The following PKD1L3 variants were observed in gnomAD, a reference collection of about 807,000 sequenced individuals.
PKD1L3 encodes polycystin 1 like 3, transient receptor potential channel interacting.
In PKD1L3, 239 loss-of-function variants were observed where a neutral mutation model predicts 184.1. The observed-to-expected ratio is 1.30, with a 90% CI of 1.17 to 1.45. PKD1L3 has a LOEUF of 1.45. Among genes scored for constraint, PKD1L3 ranks in the 40% most tolerant of loss-of-function variants. The pLI is 0.00. For synonymous variants in PKD1L3, 996 were observed against 778.8 expected (o/e 1.28, Z -4.64); for missense variants, 2,660 against 2,067.2 (o/e 1.29, Z -5.56).
At chr16:71,932,494 G>C (rs1225559229) in intron 28 of PKD1L3, among the ~76,000 whole-genome samples, 3 of 139,932 alleles carry the variant, frequency 2.1e-5, no homozygotes, top group Non-Finnish European at 4.7e-5. Context: ...TTTTTTTTTT[G>C]AGACAGTTTC....
At chr16:71,961,716 A>G (rs189070748) in intron 16 of PKD1L3, among the ~76,000 whole-genome samples, 1 of 152,306 alleles carries the variant, frequency 6.6e-6, no homozygotes, top group Admixed American at 6.5e-5. Context: ...TCCCAAGGGA[A>G]AACTCCCCAG....
chr16:71,948,155 CA>C lies in PKD1L3; in HGVS notation c.3619-565del, dbSNP rs369455325. On this transcript the variant is annotated intron_variant, in intron 21 of 29. Transcript: ENST00000620267. Reference sequence around the variant, plus strand: ...GGAGTACAACGGCACGATCTTGGCTCAGTGCAACCTCTGCCTCCCGGGTTCA... The same window carrying C: ...GGAGTACAACGGCACGATCTTGGCTCGTGCAACCTCTGCCTCCCGGGTTCA... Among the ~76,000 whole-genome samples, 114 of 152,254 alleles carry C rather than the reference CA, an allele frequency of 7.5e-4. 1 individual carries two copies. Among genetic ancestry groups the C allele is most frequent in the African/African-American group, 2.6e-3 (106 of 41,548 alleles).
intron 21 of PKD1L3, among the ~76,000 whole-genome samples, chr16:71,947,903 T>C (rs1368233487): frequency 6.8e-6 from 1 of 147,040 alleles, no homozygotes; most frequent in Non-Finnish European, 1.5e-5. Flanking sequence ...GGAAAACCTC[T>C]GATAAAGATC....
chr16:71,955,483 A>G (rs957725929), intron 16 of PKD1L3, among the ~76,000 whole-genome samples: 10 of 152,056 alleles, frequency 6.6e-5, no homozygotes, highest in Non-Finnish European at 1.0e-4. Flanking sequence ...ACATAACAGA[A>G]TATCATTTAG....
intron 16 of PKD1L3, 30 bp from the exon 17 acceptor site, chr16:71,954,331 A>T (rs953318633): frequency 1.4e-6 from 2 of 1,455,554 alleles, no homozygotes; most frequent in Non-Finnish European, 1.8e-6. Context: ...GAGGAAATAC[A>T]TGAGATTTTA....
intron 6 of PKD1L3, 133 bp from the exon 7 acceptor site, chr16:71,982,368 C>A (rs1205269815): frequency 9.7e-6 from 7 of 724,908 alleles, no homozygotes; most frequent in Non-Finnish European, 1.4e-5. Context: ...TCACTGCAAC[C>A]TCTGCCTCCC....
intron 15 of PKD1L3, among the ~76,000 whole-genome samples, chr16:71,965,717 C>T (rs1204023907): frequency 1.3e-5 from 2 of 152,042 alleles, no homozygotes; most frequent in Non-Finnish European, 2.9e-5. Context: ...CCATGCCCGG[C>T]TAATTTTTGT....
chr16:71,947,110 T>C (rs891261677), intron 22 of PKD1L3, among the ~76,000 whole-genome samples: 1 of 151,838 alleles, frequency 6.6e-6, no homozygotes, highest in East Asian at 2.0e-4. Context: ...ACAAAAAAAT[T>C]AGCCAGGCAT....
At position 71,979,874 on chromosome 16, in the gene PKD1L3, A is replaced by G. The variant is rs2040080877; in HGVS notation, c.1310T>C (p.Leu437Pro). The G allele has an allele frequency of 1.3e-6, 2 of 1,542,048 alleles. No individual in the cohort carries two copies. Among genetic ancestry groups the G allele is most frequent in the Middle Eastern group, 1.7e-4 (1 of 5,942 alleles). The change falls in exon 9 of 30, where the codon CTG becomes CCG. Residue 437 changes from leucine to proline, a missense_variant. Physicochemically the swap from Leu to Pro is moderately conservative, Grantham distance 98 (BLOSUM62 -3). Transcript: ENST00000620267. ...ISTLPLSSYT[L>P]GHPAPVRLGF... ...TAGCCTCACAGGGGCTGGGTGACCC[A>G]GAGTGTAAGAGCTCAGCGGTAAAGT...
chr16:71,976,155 C>A (rs1442701016), intron 11 of PKD1L3, among the ~76,000 whole-genome samples: 1 of 151,542 alleles, frequency 6.6e-6, no homozygotes, highest in Non-Finnish European at 1.5e-5. Context: ...ACCGTGTGGG[C>A]CAGCGTAGTC....
chr16:71,946,999 G>A (rs1253211932), intron 22 of PKD1L3, among the ~76,000 whole-genome samples: 2 of 151,556 alleles, frequency 1.3e-5, no homozygotes, highest in Non-Finnish European at 2.9e-5. Flanking sequence ...GCTCACGCCT[G>A]TAATCCCAGC....
chr16:71,986,722 A>G (rs902756601), intron 4 of PKD1L3, among the ~76,000 whole-genome samples: 3 of 152,158 alleles, frequency 2.0e-5, no homozygotes, highest in African/African-American at 4.8e-5. Flanking sequence ...TAAGTTGCTA[A>G]GAATGTTCTA....
intron 28 of PKD1L3, among the ~76,000 whole-genome samples, chr16:71,932,986 C>G (rs1322241304): frequency 6.6e-6 from 1 of 151,812 alleles, no homozygotes; most frequent in East Asian, 1.9e-4. Flanking sequence ...GAGACAAAGT[C>G]TCTATGTTGC....
At chr16:71,986,685 A>G (rs1043204958) in intron 4 of PKD1L3, among the ~76,000 whole-genome samples, 7 of 152,320 alleles carry the variant, frequency 4.6e-5, no homozygotes, top group Non-Finnish European at 1.0e-4. Flanking sequence ...TTTATTGTCA[A>G]TCGTTCAATA....
At chr16:71,951,816 G>A (rs986541251) in intron 18 of PKD1L3, 72 bp from the exon 19 acceptor site, 1 of 1,365,498 alleles carries the variant, frequency 7.3e-7, no homozygotes, top group African/African-American at 1.5e-5. Flanking sequence ...ATTACAGGTG[G>A]TAAGGCCGTT....
chr16:71,945,393 TA>T (rs1269016868), intron 22 of PKD1L3, among the ~76,000 whole-genome samples: 3 of 52,660 alleles, frequency 5.7e-5, no homozygotes, highest in African/African-American at 1.2e-4. Flanking sequence ...CATATATATA[TA>T]TATATTTATT....
intron 5 of PKD1L3, 37 bp from the exon 6 acceptor site, chr16:71,984,204 C>A (rs1218787368): frequency 1.3e-6 from 2 of 1,539,592 alleles, no homozygotes; most frequent in Non-Finnish European, 1.8e-6. Context: ...ATTACTCATA[C>A]AAAATTACTG....
At chr16:71,960,068 G>C (rs564942052) in intron 16 of PKD1L3, among the ~76,000 whole-genome samples, 1 of 152,050 alleles carries the variant, frequency 6.6e-6, no homozygotes, top group Non-Finnish European at 1.5e-5. Context: ...GCTACAGTGA[G>C]CTGTGATCCA....
rs1231863548 is a variant in PKD1L3, at chr16:71,945,199, G to C, written c.3719-1029C>G. On this transcript the variant is annotated intron_variant, in intron 22 of 29. Coordinates refer to ENST00000620267, the MANE Select transcript of PKD1L3 (RefSeq NM_181536.2). ...GTATTCTCAGATTTTAATGTGCATA[G>C]GAATCATCTGGGAATTTTATTAAAA... Among the ~76,000 whole-genome samples, 4 of 141,032 alleles carry C rather than the reference G, an allele frequency of 2.8e-5. No homozygotes were observed. In the East Asian group the frequency reaches 8.3e-4, roughly 29 times the overall value. 92.5% of individuals were successfully genotyped at this position (141,032 alleles called of 152,430 possible). A position where few individuals can be genotyped will look rare whatever the true frequency, so the allele number is the denominator to read the frequency against.
Sources: gnomAD v4.1 joint callset for allele counts (sites outside exome capture counted in the v4.1 genomes callset) on GRCh38, gnomAD v4.1.1 for gene constraint, MANE v1.5 for transcripts, NCBI Gene and HGNC (gene_info 2026-07-23, HGNC 2026-07-21) for gene names.